Variants in AIG1 observed in about 807,000 individuals in gnomAD.
AIG1 encodes the protein androgen induced 1.
AIG1 carries 23 observed loss-of-function variants against 31.4 expected under a neutral mutation model. That is an observed-to-expected ratio of 0.73 (90% CI 0.53 to 1.04). The LOEUF (loss-of-function observed/expected upper bound fraction) is 1.04, where lower values mean the gene tolerates loss of function less well. AIG1 is among the 50% of genes least tolerant of loss of function. AIG1 has a pLI of 0.00. For synonymous variants in AIG1, 100 were observed against 110.5 expected, an observed-to-expected ratio of 0.90 and a Z score of 0.60; for missense variants, 274 against 295.0, an observed-to-expected ratio of 0.93 and a Z score of 0.52.
chr6:143,174,344 A>G (rs1055772820), intron 3 of AIG1, among the ~76,000 whole-genome samples: 5 of 152,040 alleles, frequency 3.3e-5, no homozygotes, highest in African/African-American at 9.7e-5. Flanking sequence ...AAAATTAGCC[A>G]GGCGTGGTGG....
chr6:143,118,763 A>G (rs180820608), intron 1 of AIG1, among the ~76,000 whole-genome samples: 300 of 152,290 alleles, frequency 2.0e-3, no homozygotes, highest in African/African-American at 7.0e-3. Context: ...CTATGATCCT[A>G]TTAAGAATTT....
At chr6:143,127,508 A>C (rs185658167) in intron 1 of AIG1, among the ~76,000 whole-genome samples, 124 of 152,384 alleles carry the variant, frequency 8.1e-4, no homozygotes, top group African/African-American at 2.7e-3. Context: ...GCCAAAGGTC[A>C]AGACAAATAT....
chr6:143,257,573 CTTGT>C (rs374156266), intron 3 of AIG1, among the ~76,000 whole-genome samples: 1,571 of 152,004 alleles, frequency 0.01, 41 homozygotes, highest in East Asian at 0.064. Context: ...TTTTTGGTTT[CTTGT>C]TTGTTTGGTT....
chr6:143,081,688 G>A (rs1325465658), intron 1 of AIG1, among the ~76,000 whole-genome samples: 1 of 152,078 alleles, frequency 6.6e-6, no homozygotes, highest in Non-Finnish European at 1.5e-5. Context: ...CAATGCCTAA[G>A]TGAAAGGTCT....
At chr6:143,173,869 G>C (rs373676363) in intron 3 of AIG1, among the ~76,000 whole-genome samples, 1 of 152,096 alleles carries the variant, frequency 6.6e-6, no homozygotes. Context: ...TGCAATTGTT[G>C]GGTAGAATGT....
chr6:143,294,095 T>C (rs1798252409), intron 4 of AIG1, among the ~76,000 whole-genome samples: 1 of 152,202 alleles, frequency 6.6e-6, no homozygotes, highest in Non-Finnish European at 1.5e-5. Context: ...CCTCTATGTT[T>C]TTCAGCAAGC....
intron 3 of AIG1, among the ~76,000 whole-genome samples, chr6:143,192,138 T>G (rs921427124): frequency 6.6e-6 from 1 of 152,222 alleles, no homozygotes; most frequent in African/African-American, 2.4e-5. Flanking sequence ...CAGATTTAAT[T>G]TGAGGAGTCT....
rs567485932 is a variant in AIG1, at chr6:143,177,835, A to G, written c.399+12652A>G. 6.6e-5 allele frequency among the ~76,000 whole-genome samples: 10 copies of G among 152,290 alleles called. No homozygotes were observed. The South Asian group carries it at 2.1e-3, about 32-fold the overall frequency. ...TGGTCCTTGGGTCCCTGAGGGATGC[A>G]CTTGAGCATGAAACCGATCTGCTGC... On this transcript the variant is annotated intron_variant, in intron 3 of 5. Coordinates refer to ENST00000357847, the MANE Select transcript of AIG1 (RefSeq NM_016108.4).
rs571787480 is a variant in AIG1, at chr6:143,061,861, C to G, written c.141+795C>G. On this transcript the variant is annotated intron_variant, in intron 1 of 5. Transcript: ENST00000357847. ...GGCCCTCTTCAACCTCCCTGGAGAA[C>G]AGAACATGGGCATAAGGCCCAATAA... Among the ~76,000 whole-genome samples, 270 of 152,302 alleles carry G rather than the reference C, an allele frequency of 1.8e-3. 2 individuals are homozygous for G. Among genetic ancestry groups the G allele is most frequent in the African/African-American group, 6.1e-3 (254 of 41,554 alleles).
Position 143,193,935 on chromosome 6 carries a change from A to G in AIG1, c.399+28752A>G, listed in dbSNP as rs73781109. On this transcript the variant is annotated intron_variant, in intron 3 of 5. Transcript: ENST00000357847. The stretch of plus-strand genomic sequence containing the variant: ...GCTTTCTCCTGATGATTCAGCAAGA[A>G]ATAGGAAAAAAATAGGGGAAGAAAA... Among the ~76,000 whole-genome samples, 569 of 152,360 alleles carry G rather than the reference A, an allele frequency of 3.7e-3. 2 individuals carry two copies. Among genetic ancestry groups the G allele is most frequent in the African/African-American group, 0.013 (547 of 41,576 alleles).
At chr6:143,199,379 T>C (rs1486797421) in intron 3 of AIG1, among the ~76,000 whole-genome samples, 1 of 152,066 alleles carries the variant, frequency 6.6e-6, no homozygotes, top group Non-Finnish European at 1.5e-5. Context: ...GGGTGATGAA[T>C]AGTTGAAATT....
intron 3 of AIG1, among the ~76,000 whole-genome samples, chr6:143,238,221 G>A (rs1431881390): frequency 2.0e-5 from 3 of 152,290 alleles, no homozygotes; most frequent in South Asian, 2.1e-4. Context: ...GATTACAGGC[G>A]TGAGCCACCG....
At chr6:143,170,353 G>T (rs1175701741) in intron 3 of AIG1, among the ~76,000 whole-genome samples, 1 of 151,948 alleles carries the variant, frequency 6.6e-6, no homozygotes, top group Non-Finnish European at 1.5e-5. Flanking sequence ...ACTTCCTCTA[G>T]GTTTTTCAAT....
chr6:143,236,670 T>C (rs902235311), intron 3 of AIG1, among the ~76,000 whole-genome samples: 1 of 152,198 alleles, frequency 6.6e-6, no homozygotes, highest in African/African-American at 2.4e-5. Flanking sequence ...GTCCTTTGTG[T>C]CACCGTGCCA....
At chr6:143,317,420 A>T (rs776326688) in intron 4 of AIG1, among the ~76,000 whole-genome samples, 1 of 152,160 alleles carries the variant, frequency 6.6e-6, no homozygotes, top group Non-Finnish European at 1.5e-5. Flanking sequence ...GATCATCTCA[A>T]TAGATGAAGA....
intron 3 of AIG1, among the ~76,000 whole-genome samples, chr6:143,276,666 A>G (rs1796936973): frequency 6.8e-6 from 1 of 147,754 alleles, no homozygotes; most frequent in African/African-American, 2.5e-5. Flanking sequence ...AACAGAAACT[A>G]TAGTGGCTGA....
At chr6:143,153,906 C>A (rs1562434574) in intron 2 of AIG1, among the ~76,000 whole-genome samples, 1 of 151,064 alleles carries the variant, frequency 6.6e-6, no homozygotes, top group Non-Finnish European at 1.5e-5. Context: ...ATTTATTCAA[C>A]CAATTATTAA....
At chr6:143,171,622 AT>A (rs1169383507) in intron 3 of AIG1, among the ~76,000 whole-genome samples, 1 of 147,936 alleles carries the variant, frequency 6.8e-6, no homozygotes, top group African/African-American at 2.5e-5. Flanking sequence ...GAAATTGCAA[AT>A]TTTGCTGCTG....
chr6:143,314,251 A>T (rs1775548115), intron 4 of AIG1, among the ~76,000 whole-genome samples: 1 of 150,368 alleles, frequency 6.7e-6, no homozygotes, highest in African/African-American at 2.4e-5. Context: ...CTATAGTCCC[A>T]GCTACTCAGG....
Sources: allele counts gnomAD v4.1 joint callset (sites outside exome capture counted in the v4.1 genomes callset), GRCh38; gene constraint gnomAD v4.1.1; transcripts MANE v1.5; gene names NCBI Gene and HGNC (gene_info 2026-07-23, HGNC 2026-07-21).